NLRP1: variants seen among roughly 807,000 people sequenced by gnomAD.
NLRP1 encodes the protein NACHT, LRR and PYD domains-containing protein 1.
Under a neutral mutation model 136.7 loss-of-function variants are expected in NLRP1, and 94 were observed. That is an observed-to-expected ratio of 0.69 (90% confidence interval 0.58 to 0.82). The LOEUF (loss-of-function observed/expected upper bound fraction) is 0.82. Among genes scored for constraint, NLRP1 ranks in the 40% least tolerant of loss-of-function variants. NLRP1 has a pLI of 0.00. For missense variants in NLRP1, 1,575 were observed against 1,802.7 expected, an observed-to-expected ratio of 0.87 and a Z score of 2.29; for synonymous variants, 690 against 725.1, an observed-to-expected ratio of 0.95 and a Z score of 0.78.
intron 3 of NLRP1, among the ~76,000 whole-genome samples, chr17:5,572,418 A>G (rs1904471416): frequency 2.0e-5 from 3 of 152,162 alleles, no homozygotes; most frequent in Admixed American, 1.3e-4. Context: ...AAACAATCCC[A>G]TTAAAAAGTG....
intron 4 of NLRP1, among the ~76,000 whole-genome samples, chr17:5,557,062 A>G (rs1255991621): frequency 6.6e-6 from 1 of 152,158 alleles, no homozygotes. Context: ...GGAGTTCAGT[A>G]TCACGATCTC....
chr17:5,532,492 G>A (rs577389848), intron 11 of NLRP1, among the ~76,000 whole-genome samples: 5 of 135,366 alleles, frequency 3.7e-5, no homozygotes, highest in Admixed American at 3.5e-4. Context: ...TTAAAATACT[G>A]TAACAATAAC....
Position 5,559,845 on chromosome 17 carries a change from A to T in NLRP1, c.851T>A (p.Leu284Gln). 1 of 1,614,224 alleles carries T rather than the reference A, an allele frequency of 6.2e-7. No homozygotes were observed. The highest frequency in any genetic ancestry group is 8.5e-7 in the Non-Finnish European group (1 of 1,180,026). Residue 284 changes from leucine to glutamine, a missense_variant, in exon 4 of 17, where the codon CTA (leucine) becomes CAA (glutamine). Transcript: ENST00000572272. ...FNQKFTQLLL[L>Q]QRPHPRSQDP... Reference sequence around the variant, plus strand: ...TTGGCTTCTGGGGTGAGGTCTTTGTAGAAGTAGCAGCTGTGTGAATTTTTG... The same window carrying T: ...TTGGCTTCTGGGGTGAGGTCTTTGTTGAAGTAGCAGCTGTGTGAATTTTTG...
downstream of NLRP1, among the ~76,000 whole-genome samples, chr17:5,511,608 G>A (rs181122762): frequency 2.0e-5 from 3 of 152,206 alleles, no homozygotes; most frequent in Admixed American, 1.3e-4. Context: ...CTAGGCTTCC[G>A]GCAACTAACG....
intron 5 of NLRP1, among the ~76,000 whole-genome samples, chr17:5,543,838 A>AGT (rs1211054412): frequency 6.6e-6 from 1 of 152,030 alleles, no homozygotes; most frequent in Non-Finnish European, 1.5e-5. Flanking sequence ...TTGGATTCAG[A>AGT]GTAGAAGCTG....
chr17:5,559,343 C>T lies in NLRP1; in HGVS notation c.1353G>A (p.Glu451=). 6 of 1,614,012 alleles carry T rather than the reference C, an allele frequency of 3.7e-6. No homozygotes were observed. The highest frequency in any genetic ancestry group is 5.1e-6 in the Non-Finnish European group (6 of 1,179,904). Residue 451 remains glutamate, a synonymous_variant, in exon 4 of 17, where the codon GAG becomes GAA. Coordinates refer to ENST00000572272, the MANE Select transcript of NLRP1 (RefSeq NM_033004.4). The stretch of plus-strand genomic sequence containing the variant: ...TCCGAGCCGTGATCAGGAAGGATGC[C>T]TCGGGAAGTATAGTTTTCCCCAGCA... ...GSLLGKTILP[E]ASFLITARTT...
At chr17:5,553,933 A>G (rs1567656295) in intron 4 of NLRP1, among the ~76,000 whole-genome samples, 2 of 152,040 alleles carry the variant, frequency 1.3e-5, no homozygotes, top group South Asian at 4.1e-4. Context: ...ATAAGAAAAA[A>G]ATTTTTTAAA....
intron 12 of NLRP1, among the ~76,000 whole-genome samples, chr17:5,525,736 C>T (rs1909450146): frequency 6.6e-6 from 1 of 152,242 alleles, no homozygotes; most frequent in African/African-American, 2.4e-5. Flanking sequence ...CTTGCCCTCT[C>T]TGTGCATCAT....
chr17:5,525,866 G>C (rs1268702001), intron 12 of NLRP1, among the ~76,000 whole-genome samples: 2 of 152,174 alleles, frequency 1.3e-5, no homozygotes, highest in Non-Finnish European at 2.9e-5. Context: ...CAGATAAAAT[G>C]CAGCTTGACC....
intron 2 of NLRP1, among the ~76,000 whole-genome samples, chr17:5,582,274 C>T (rs1044621097): frequency 4.6e-5 from 7 of 152,104 alleles, no homozygotes; most frequent in African/African-American, 1.4e-4. Flanking sequence ...TAAGCCTAGC[C>T]TCTTCTTGGG....
chr17:5,533,419 T>A (rs1395530153), intron 9 of NLRP1, 35 bp from the exon 10 acceptor site: 2 of 798,488 alleles, frequency 2.5e-6, no homozygotes, highest in Admixed American at 4.0e-5. Flanking sequence ...CCAGGCATGG[T>A]GGTGAGCATC....
rs1307373915 is a variant in NLRP1 at position 5,559,947 on chromosome 17, G to T, written c.749C>A (p.Pro250His). 5.6e-6 allele frequency: 9 copies of T among 1,614,106 alleles called. No individual in the cohort carries two copies. Among genetic ancestry groups the T allele is most frequent in the Non-Finnish European group, 7.6e-6 (9 of 1,180,044 alleles). The change falls in exon 4 of 17, where the codon CCC (proline) becomes CAC (histidine). Residue 250 changes from proline (P) to histidine (H), a missense_variant. By Grantham distance (77) the Pro-to-His change is moderately conservative (BLOSUM62 -2). Coordinates refer to ENST00000572272, the MANE Select transcript of NLRP1 (RefSeq NM_033004.4). ...AGAAGGCTCCCATGGGTGGTGGTGG[G>T]GCTGTAGGCTGGTGTGCGCCTGTGG... ...TPPQAHTSLQPHHHPWEPSVR... is the reference protein window; with the variant it reads ...TPPQAHTSLQHHHHPWEPSVR...
At position 5,514,372 on chromosome 17, in the gene NLRP1, C is replaced by T; in HGVS notation, c.*382G>A. ...AATCCACGTGGCCTCCCACGCTGAACCCCAATTTTGGGGCTCACCCTGTGA... is the reference window on the plus strand; with the variant it reads ...AATCCACGTGGCCTCCCACGCTGAATCCCAATTTTGGGGCTCACCCTGTGA... On this transcript the variant is annotated 3_prime_UTR_variant, in exon 17 of 17. Coordinates refer to ENST00000572272, the MANE Select transcript of NLRP1 (RefSeq NM_033004.4). The T allele has an allele frequency of 9.3e-7, 1 of 1,073,812 alleles. No individual in the cohort carries two copies. The highest frequency in any genetic ancestry group is 3.2e-5 in the South Asian group (1 of 30,792). 66.5% of individuals were successfully genotyped at this position (1,073,812 alleles called of 1,614,324 possible).
Position 5,514,846 on chromosome 17 carries a change from G to T in NLRP1, c.4330C>A (p.Leu1444Ile). The change falls in exon 17 of 17, where the codon CTC becomes ATC. Residue 1444 changes from leucine (L) to isoleucine (I), a missense_variant. Coordinates refer to ENST00000572272, the MANE Select transcript of NLRP1 (RefSeq NM_033004.4). ...QSWDRKCKDG[L>I]YQALKETHPH... ...TGGGTCTCCTTCAGGGCTTGGTAGA[G>T]TCCATCTTTGCACTTCCGGTCCCAG... The T allele has an allele frequency of 2.5e-6, 4 of 1,614,136 alleles. No homozygotes were observed. The highest frequency in any genetic ancestry group is 3.4e-6 in the Non-Finnish European group (4 of 1,180,016).
chr17:5,501,854 G>T (rs140863595), exon 16 of NLRP1: 1 of 1,613,798 alleles, frequency 6.2e-7, no homozygotes, highest in Non-Finnish European at 8.5e-7. Flanking sequence ...GAGGTTCCAC[G>T]GCTGGCTGGT....
At chr17:5,564,601 C>T (rs1915114328) in intron 3 of NLRP1, among the ~76,000 whole-genome samples, 1 of 152,146 alleles carries the variant, frequency 6.6e-6, no homozygotes, top group African/African-American at 2.4e-5. Context: ...TGCTGATGGA[C>T]ACTTGGGTTG....
At chr17:5,561,940 A>G (rs1914801190) in intron 3 of NLRP1, among the ~76,000 whole-genome samples, 1 of 152,040 alleles carries the variant, frequency 6.6e-6, no homozygotes, top group Non-Finnish European at 1.5e-5. Flanking sequence ...AACACTCTGA[A>G]GGCAGGGTGG....
At chr17:5,517,348 G>GC (rs1208250139) in intron 15 of NLRP1, among the ~76,000 whole-genome samples, 45 of 68,778 alleles carry the variant, frequency 6.5e-4, no homozygotes, top group African/African-American at 2.1e-3. Flanking sequence ...AGTGCACTCT[G>GC]CACCCCCCCC....
chr17:5,553,738 C>G (rs997455685), intron 4 of NLRP1, among the ~76,000 whole-genome samples, 182 bp from the exon 5 acceptor site: 1 of 152,186 alleles, frequency 6.6e-6, no homozygotes, highest in African/African-American at 2.4e-5. Context: ...CTAGGTCCCT[C>G]TCCTCCATGT....
Sources: allele counts gnomAD v4.1 joint callset (sites outside exome capture counted in the v4.1 genomes callset), GRCh38; gene constraint gnomAD v4.1.1; transcripts MANE v1.5; gene names NCBI Gene and HGNC (gene_info 2026-07-23, HGNC 2026-07-21).